The following TSPAN5 variants were observed in gnomAD, a reference collection of about 807,000 sequenced individuals.
The protein encoded by TSPAN5 is tetraspanin 5, also known as tetraspanin-5.
Under a neutral mutation model 37.1 loss-of-function variants are expected in TSPAN5, and 10 were observed. The observed-to-expected ratio is 0.27, with a 90% CI of 0.17 to 0.46. TSPAN5 has a LOEUF of 0.46. Among genes scored for constraint, TSPAN5 ranks in the 20% least tolerant of loss-of-function variants. TSPAN5 has a pLI of 1.00. For missense variants in TSPAN5, 195 were observed against 326.6 expected, an observed-to-expected ratio of 0.60 and a Z score of 3.11; for synonymous variants, 110 against 118.9, an observed-to-expected ratio of 0.93 and a Z score of 0.48.
intron 1 of TSPAN5, among the ~76,000 whole-genome samples, chr4:98,569,879 G>A (rs1477612655): frequency 2.6e-5 from 4 of 152,174 alleles, no homozygotes; most frequent in African/African-American, 4.8e-5. Context: ...CATTTACTGA[G>A]TGTCTACAAT....
intron 3 of TSPAN5, chr4:98,484,416 T>C (rs1188160742): frequency 8.8e-6 from 4 of 455,822 alleles, no homozygotes; most frequent in Non-Finnish European, 1.8e-5. Flanking sequence ...TCGAAGATTA[T>C]TCCAGGCAAG....
chr4:98,638,636 G>T (rs943021672), intron 1 of TSPAN5, among the ~76,000 whole-genome samples: 1 of 152,146 alleles, frequency 6.6e-6, no homozygotes, highest in African/African-American at 2.4e-5. Context: ...GCGCTTCCAT[G>T]CCCTTTCTAG....
At chr4:98,548,628 G>A (rs937468780) in intron 1 of TSPAN5, among the ~76,000 whole-genome samples, 1 of 151,926 alleles carries the variant, frequency 6.6e-6, no homozygotes, top group African/African-American at 2.4e-5. Context: ...CACCTAAATA[G>A]TAAACTTTCT....
intron 1 of TSPAN5, among the ~76,000 whole-genome samples, chr4:98,619,166 GC>G (rs1016038392): frequency 4.1e-4 from 62 of 152,238 alleles, no homozygotes; most frequent in African/African-American, 6.5e-4. Context: ...ATCAGTATTA[GC>G]CTATTTAAAC....
intron 1 of TSPAN5, among the ~76,000 whole-genome samples, chr4:98,603,677 C>T (rs1162482048): frequency 6.6e-6 from 1 of 152,194 alleles, no homozygotes; most frequent in Non-Finnish European, 1.5e-5. Flanking sequence ...GGAACACACA[C>T]ACTCAAGTGG....
chr4:98,652,845 T>C (rs1757218403), intron 1 of TSPAN5, among the ~76,000 whole-genome samples: 1 of 152,218 alleles, frequency 6.6e-6, no homozygotes, highest in African/African-American at 2.4e-5. Context: ...GAGTGCAACA[T>C]TTTGGCAAGT....
chr4:98,602,747 A>T (rs777405357), intron 1 of TSPAN5, among the ~76,000 whole-genome samples: 1 of 152,228 alleles, frequency 6.6e-6, no homozygotes, highest in Non-Finnish European at 1.5e-5. Flanking sequence ...GATTAAATAG[A>T]CATTTATGCA....
At chr4:98,472,699 T>C (rs1752616013) in intron 7 of TSPAN5, 112 bp from the exon 8 acceptor site, 2 of 896,496 alleles carry the variant, frequency 2.2e-6, no homozygotes, top group East Asian at 5.2e-5. Flanking sequence ...ATGTAATTCA[T>C]ATGTGGTAAA....
intron 4 of TSPAN5, among the ~76,000 whole-genome samples, chr4:98,479,120 G>A (rs1032339584): frequency 3.9e-5 from 6 of 152,248 alleles, no homozygotes; most frequent in Admixed American, 3.3e-4. Context: ...GCTTGGGCAC[G>A]TCATTCTAGA....
At chr4:98,525,672 G>A (rs1460069640) in intron 1 of TSPAN5, among the ~76,000 whole-genome samples, 1 of 152,136 alleles carries the variant, frequency 6.6e-6, no homozygotes, top group Non-Finnish European at 1.5e-5. Context: ...CACCTCCTGA[G>A]TTCTGTATAT....
At chr4:98,473,520 C>T (rs1054005021) in intron 7 of TSPAN5, among the ~76,000 whole-genome samples, 19 of 147,700 alleles carry the variant, frequency 1.3e-4, no homozygotes, top group Non-Finnish European at 1.8e-4. Flanking sequence ...ACTGCAGTGG[C>T]GCAATCTCGG....
intron 1 of TSPAN5, among the ~76,000 whole-genome samples, chr4:98,641,646 C>T (rs540071891): frequency 2.6e-5 from 4 of 152,290 alleles, no homozygotes; most frequent in South Asian, 4.1e-4. Flanking sequence ...GACAATTCAG[C>T]GTGCACACAT....
At chr4:98,629,034 A>G (rs1346410981) in intron 1 of TSPAN5, among the ~76,000 whole-genome samples, 3 of 152,242 alleles carry the variant, frequency 2.0e-5, no homozygotes, top group Admixed American at 2.0e-4. Flanking sequence ...CTTGTTTTTA[A>G]ATGAGTTCAA....
At chr4:98,611,400 C>T (rs1398936874) in intron 1 of TSPAN5, among the ~76,000 whole-genome samples, 1 of 152,126 alleles carries the variant, frequency 6.6e-6, no homozygotes, top group African/African-American at 2.4e-5. Context: ...TGATGTGAAG[C>T]AGCCTCTGTG....
intron 1 of TSPAN5, among the ~76,000 whole-genome samples, chr4:98,598,752 G>C (rs1755815584): frequency 6.6e-6 from 1 of 152,158 alleles, no homozygotes. Flanking sequence ...ACAGGCATGA[G>C]CCACCGTGCC....
chr4:98,472,396 T>G lies in TSPAN5; in HGVS notation c.*126A>C. On this transcript the variant is annotated 3_prime_UTR_variant, in exon 8 of 8. Coordinates refer to ENST00000305798, the MANE Select transcript of TSPAN5 (RefSeq NM_005723.4). ...AGTTTTACACTCCCCTAATGGCAGC[T>G]CCATTAGGCGAGACTGCAGGCTGCA... 1.5e-6 allele frequency: 1 copy of G among 686,036 alleles called. No individual in the cohort carries two copies. The highest frequency in any genetic ancestry group is 2.2e-5 in the South Asian group (1 of 45,270). The allele number at this position is 686,036 out of a possible 1,614,324, so 42.5% of individuals were successfully genotyped here.
rs1429383910 is a variant in TSPAN5 at position 98,633,776 on chromosome 4, G to A, written c.81+24370C>T. ...TGTATGTCATGCCAAGAATTCTCAT[G>A]TACTTAAAAGTGATCAATCACGGCC... On this transcript the variant is annotated intron_variant, in intron 1 of 7. Transcript: ENST00000305798. Among the ~76,000 whole-genome samples the A allele has an allele frequency of 2.6e-5, 4 of 152,128 alleles. No homozygotes were observed. The East Asian group carries it at 5.8e-4, about 22-fold the overall frequency.
At chr4:98,478,861 C>A in intron 4 of TSPAN5, 51 bp from the exon 5 acceptor site, 2 of 1,599,112 alleles carry the variant, frequency 1.3e-6, no homozygotes, top group South Asian at 2.2e-5. Flanking sequence ...GGCAAGCAGT[C>A]ACCTACACTC....
chr4:98,621,790 C>CT (rs1490800045), intron 1 of TSPAN5, among the ~76,000 whole-genome samples: 2 of 151,288 alleles, frequency 1.3e-5, no homozygotes, highest in South Asian at 2.1e-4. Context: ...TCATTCCCAC[C>CT]CCCCCCGCAG....
Sources: gnomAD v4.1 joint callset for allele counts (sites outside exome capture counted in the v4.1 genomes callset) on GRCh38, gnomAD v4.1.1 for gene constraint, MANE v1.5 for transcripts, NCBI Gene and HGNC (gene_info 2026-07-23, HGNC 2026-07-21) for gene names.